VRTN: variants seen among roughly 807,000 people sequenced by gnomAD.
VRTN encodes vertnin.
A neutral mutation model predicts 18.2 loss-of-function variants in VRTN; 5 were observed. That is an observed-to-expected ratio of 0.27 (90% CI 0.14 to 0.58). The LOEUF is 0.58. VRTN is among the 20% of genes least tolerant of loss of function. The pLI is 0.91. For synonymous variants in VRTN, 381 were observed against 393.7 expected (o/e 0.97, Z 0.38); for missense variants, 741 against 939.4 (o/e 0.79, Z 2.76).
intron 1 of VRTN, among the ~76,000 whole-genome samples, chr14:74,331,544 T>TTATACA (rs2085524811): frequency 4.6e-5 from 2 of 43,490 alleles, no homozygotes; most frequent in African/African-American, 6.5e-5. Flanking sequence ...AAAAAAAATT[T>TTATACA]TATATATATA....
At chr14:74,355,078 G>A (rs1312411313) in intron 1 of VRTN, among the ~76,000 whole-genome samples, 17 of 150,304 alleles carry the variant, frequency 1.1e-4, no homozygotes. Flanking sequence ...GGAGGTAGAG[G>A]TTGCAGCCAG....
intron 1 of VRTN, among the ~76,000 whole-genome samples, chr14:74,306,213 C>T (rs1312702440): frequency 1.2e-4 from 16 of 132,836 alleles, no homozygotes; most frequent in African/African-American, 4.7e-4. Context: ...CTCTGTTGCC[C>T]ATGCTGGAGT....
At chr14:74,335,593 T>A (rs1000519763) in intron 1 of VRTN, among the ~76,000 whole-genome samples, 1 of 152,188 alleles carries the variant, frequency 6.6e-6, no homozygotes. Flanking sequence ...ATTTTACAGA[T>A]GAGGAAATTA....
At chr14:74,344,246 C>A (rs867851942), upstream of VRTN, among the ~76,000 whole-genome samples, 587 of 32,500 alleles carry the variant, frequency 0.018, 87 homozygotes, top group East Asian at 0.28. Flanking sequence ...CTGCTTTCTA[C>A]AAAAAAAAAA....
At chr14:74,335,947 G>T (rs1321086769) in intron 1 of VRTN, among the ~76,000 whole-genome samples, 1 of 151,522 alleles carries the variant, frequency 6.6e-6, no homozygotes, top group Non-Finnish European at 1.5e-5. Context: ...CACCATGTTG[G>T]CCAGGCTGGT....
chr14:74,351,223 C>A (rs145968277), intron 1 of VRTN, among the ~76,000 whole-genome samples: 2 of 152,214 alleles, frequency 1.3e-5, no homozygotes, highest in African/African-American at 4.8e-5. Flanking sequence ...CTTCAGGATT[C>A]CTTTTTTAAA....
intron 1 of VRTN, among the ~76,000 whole-genome samples, chr14:74,317,875 C>T (rs1185304107): frequency 1.3e-5 from 2 of 152,144 alleles, no homozygotes; most frequent in Admixed American, 1.3e-4. Context: ...CCTGTAATCC[C>T]AGCGCTTTTG....
At chr14:74,323,741 C>T (rs1297636548) in intron 1 of VRTN, among the ~76,000 whole-genome samples, 1 of 152,116 alleles carries the variant, frequency 6.6e-6, no homozygotes, top group Non-Finnish European at 1.5e-5. Context: ...CTAGTCCTCC[C>T]ACTGGAAGGT....
chr14:74,320,255 T>C (rs2085444934), intron 1 of VRTN, among the ~76,000 whole-genome samples: 4 of 119,700 alleles, frequency 3.3e-5, no homozygotes, highest in African/African-American at 9.8e-5. Flanking sequence ...ATCCCTTTTT[T>C]TTTTTTTTTT....
Position 74,357,662 on chromosome 14 carries a change from A to G in VRTN, c.879A>G (p.Lys293=), listed in dbSNP as rs17099563. Residue 293 remains lysine, a synonymous_variant, in exon 2 of 2, where the codon AAA becomes AAG. Transcript: ENST00000256362. This position sits in a 1 kb window ranked among gnomAD's most constrained non-coding sequence, Gnocchi z 7.8. ...SHLCERYSVT[K]STFYRWRRQS... ...TCTGTGAGCGCTACAGCGTCACCAA[A>G]AGCACCTTCTACCGCTGGCGGCGGC... The G allele has an allele frequency of 0.047, 76,197 of 1,613,662 alleles. 2,255 individuals carry two copies. The highest frequency in any genetic ancestry group is 0.14 in the Admixed American group (8,343 of 60,002).
At chr14:74,320,481 C>A (rs1311278859) in intron 1 of VRTN, among the ~76,000 whole-genome samples, 2 of 144,384 alleles carry the variant, frequency 1.4e-5, no homozygotes, top group Non-Finnish European at 3.0e-5. Context: ...CCAGGATGGT[C>A]TCGATCTCCT....
chr14:74,343,233 T>C (rs2085620010), intron 2 of VRTN, among the ~76,000 whole-genome samples: 1 of 152,154 alleles, frequency 6.6e-6, no homozygotes, highest in African/African-American at 2.4e-5. Context: ...TTCAAGCGAT[T>C]CTCCTGCCTC....
At chr14:74,331,354 T>C (rs1267694953) in intron 1 of VRTN, among the ~76,000 whole-genome samples, 4 of 150,114 alleles carry the variant, frequency 2.7e-5, no homozygotes, top group African/African-American at 9.8e-5. Flanking sequence ...ATGGTGAAAC[T>C]CTGTCTCTAC....
At chr14:74,353,723 AACT>A (rs2140212905) in intron 1 of VRTN, among the ~76,000 whole-genome samples, 1 of 152,276 alleles carries the variant, frequency 6.6e-6, no homozygotes, top group South Asian at 2.1e-4. Flanking sequence ...AGAGCAAAAA[AACT>A]ACTTTTTTTT....
intron 1 of VRTN, among the ~76,000 whole-genome samples, chr14:74,304,734 C>A (rs1001984850): frequency 2.6e-5 from 4 of 152,130 alleles, no homozygotes; most frequent in African/African-American, 9.7e-5. Context: ...TTGAGAACCA[C>A]TGCCCCAGAA....
upstream of VRTN, among the ~76,000 whole-genome samples, chr14:74,346,955 T>C (rs369368633): frequency 6.6e-6 from 1 of 152,170 alleles, no homozygotes; most frequent in Non-Finnish European, 1.5e-5. Flanking sequence ...AGAGAGAACA[T>C]AGTGTGGAAA....
At chr14:74,356,186 A>AT (rs1056025422) in intron 1 of VRTN, among the ~76,000 whole-genome samples, 1 of 147,874 alleles carries the variant, frequency 6.8e-6, no homozygotes, top group Non-Finnish European at 1.5e-5. Flanking sequence ...TATTTTATTA[A>AT]TTTTTTTTTC....
chr14:74,325,720 T>G (rs1435710961), intron 1 of VRTN, among the ~76,000 whole-genome samples: 2 of 151,892 alleles, frequency 1.3e-5, no homozygotes, highest in African/African-American at 4.8e-5. Context: ...CAGTGACCCA[T>G]GATTGCACCA....
At chr14:74,316,629 G>A (rs2140194401) in intron 1 of VRTN, among the ~76,000 whole-genome samples, 1 of 145,858 alleles carries the variant, frequency 6.9e-6, no homozygotes, top group Admixed American at 7.1e-5. Flanking sequence ...CCCAAAGGAG[G>A]GATTATTCTT....
Sources: gnomAD v4.1 joint callset for allele counts (sites outside exome capture counted in the v4.1 genomes callset) on GRCh38, gnomAD v4.1.1 for gene constraint, Gnocchi (gnomAD v3.1) non-coding constraint, MANE v1.5 for transcripts, NCBI Gene and HGNC (gene_info 2026-07-23, HGNC 2026-07-21) for gene names.